The following EPC1 variants were observed in gnomAD, a reference collection of about 807,000 sequenced individuals.
EPC1 encodes the protein enhancer of polycomb homolog 1.
A neutral mutation model predicts 98.4 loss-of-function variants in EPC1; 12 were observed. The observed-to-expected ratio is 0.12, with a 90% CI of 0.08 to 0.20. EPC1 has a LOEUF of 0.20. EPC1 is among the 10% of genes least tolerant of loss of function. The pLI is 1.00. For synonymous variants in EPC1, 357 were observed against 363.9 expected (o/e 0.98, Z 0.21); for missense variants, 729 against 990.5 (o/e 0.74, Z 3.54).
chr10:32,268,727 ACT>A lies in EPC1; in HGVS notation c.*334_*335del. 1 of 185,964 alleles carries A rather than the reference ACT, an allele frequency of 5.4e-6. No homozygotes were observed. Among genetic ancestry groups the A allele is most frequent in the East Asian group, 1.6e-4 (1 of 6,350 alleles). The allele number at this position is 185,964 out of a possible 1,614,324, so 11.5% of individuals were successfully genotyped here. On this transcript the variant is annotated 3_prime_UTR_variant, in exon 14 of 14. Transcript: ENST00000319778. ...ATCTCTATACAATCTCACATCTCAC[ACT>A]CTTTGTTGCAATTGATTTCCCTCCC...
chr10:32,345,387 A>G, intron 1 of EPC1: 7 of 985,440 alleles, frequency 7.1e-6, no homozygotes, highest in Non-Finnish European at 8.4e-6. Flanking sequence ...GAGTTTAAAC[A>G]GTTTTATTTC....
In EPC1 at chr10:32,344,898, T is replaced by C. The variant is rs993687630; in HGVS notation, c.153+1865A>G. ...CAGCTCTGACTTCAGGTTGTAACTC[T>C]TGGGACTGTCCAAAGTATTCACAGA... is the stretch of plus-strand genomic sequence containing the variant. On this transcript the variant is annotated intron_variant, in intron 1 of 13. Transcript: ENST00000319778. 3.9e-5 allele frequency among the ~76,000 whole-genome samples: 6 copies of C among 152,208 alleles called. No individual in the cohort carries two copies. The South Asian group carries it at 6.2e-4, about 16-fold the overall frequency.
At chr10:32,276,328 T>C (rs1392509498) in intron 10 of EPC1, among the ~76,000 whole-genome samples, 4 of 152,104 alleles carry the variant, frequency 2.6e-5, no homozygotes, top group African/African-American at 9.7e-5. Context: ...CTGACCAACA[T>C]GGTGAAACCC....
chr10:32,330,906 A>G (rs1330087820), intron 1 of EPC1, among the ~76,000 whole-genome samples: 2 of 152,196 alleles, frequency 1.3e-5, no homozygotes, highest in Non-Finnish European at 2.9e-5. Context: ...TTGCTCCATC[A>G]CTACAAAAGT....
At chr10:32,289,707 T>C (rs2132719060) in intron 6 of EPC1, among the ~76,000 whole-genome samples, 1 of 151,794 alleles carries the variant, frequency 6.6e-6, no homozygotes, top group Admixed American at 6.6e-5. Context: ...CACTGCAAGC[T>C]CTGCCTCCCA....
At chr10:32,304,326 T>A (rs1835748315) in intron 2 of EPC1, among the ~76,000 whole-genome samples, 1 of 152,200 alleles carries the variant, frequency 6.6e-6, no homozygotes, top group Non-Finnish European at 1.5e-5. Context: ...CATGCATTTA[T>A]AAGATAATAT....
intron 10 of EPC1, chr10:32,283,322 TTC>T (rs1342804292): frequency 4.6e-5 from 5 of 108,962 alleles, no homozygotes; most frequent in South Asian, 4.4e-4. Flanking sequence ...CTTTATGAAT[TTC>T]TTTTTTTTTT....
chr10:32,281,565 G>C (rs1836411866), intron 10 of EPC1: 1 of 152,212 alleles, frequency 6.6e-6, no homozygotes, highest in Non-Finnish European at 1.5e-5. Context: ...CACGCCGTAA[G>C]AGGACCAACA....
chr10:32,285,499 G>T (rs559710651), intron 9 of EPC1: 1 of 157,624 alleles, frequency 6.3e-6, no homozygotes, highest in Admixed American at 6.3e-5. Flanking sequence ...GATTGAGAGA[G>T]ATGGAGTTTT....
intron 1 of EPC1, among the ~76,000 whole-genome samples, chr10:32,307,147 A>G (rs1279477949): frequency 6.6e-6 from 1 of 152,180 alleles, no homozygotes; most frequent in Non-Finnish European, 1.5e-5. Context: ...ATTCCTTACA[A>G]TAGCTGCATT....
chr10:32,329,986 G>C (rs938193741), intron 1 of EPC1, among the ~76,000 whole-genome samples: 5 of 152,186 alleles, frequency 3.3e-5, no homozygotes, highest in African/African-American at 1.2e-4. Flanking sequence ...CAGTGCATGA[G>C]AATAAATGAG....
chr10:32,298,753 A>T (rs2132770380), intron 2 of EPC1, among the ~76,000 whole-genome samples: 1 of 152,338 alleles, frequency 6.6e-6, no homozygotes, highest in South Asian at 2.1e-4. Flanking sequence ...CTCAGATATA[A>T]GATCTTTCGT....
At chr10:32,346,639 G>C (rs542001971) in intron 1 of EPC1, 124 bp downstream of exon 1, 2 of 998,450 alleles carry the variant, frequency 2.0e-6, no homozygotes, top group African/African-American at 1.6e-5. Flanking sequence ...CCCGGCCGGC[G>C]ACTGAGAGTC....
At chr10:32,360,001 A>G (rs1839393402) in intron 1 of EPC1, among the ~76,000 whole-genome samples, 1 of 151,080 alleles carries the variant, frequency 6.6e-6, no homozygotes, top group Admixed American at 6.6e-5. Context: ...TATCATTCGT[A>G]TGTTTGTATC....
chr10:32,341,331 C>CTG (rs150858943), intron 1 of EPC1, among the ~76,000 whole-genome samples: 1,731 of 151,174 alleles, frequency 0.011, 36 homozygotes, highest in African/African-American at 0.039. Flanking sequence ...GTGTGTGTGT[C>CTG]TGTGTGTGTG....
Position 32,368,534 on chromosome 10 carries a change from G to GT in EPC1, c.3+9956dup, listed in dbSNP as rs570616342. On this transcript the variant is annotated intron_variant, in intron 1 of 13. Transcript: ENST00000375110. ...CTTTTCCTTTATGGCTCAGGGAAGT[G>GT]TTTTTTTTGTTTGTTTTGTTTTGGT... Among the ~76,000 whole-genome samples the GT allele has an allele frequency of 3.4e-3, 510 of 151,976 alleles. 3 individuals are homozygous for GT. The highest frequency in any genetic ancestry group is 9.7e-3 in the African/African-American group (401 of 41,444).
In EPC1 at chr10:32,322,182, C is replaced by T. The variant is rs189812668; in HGVS notation, c.154-16251G>A. ...AATCACGCATTAGCCTTACATGTAT[C>T]GCAGTTCGCAGTAAAAAGTCTGTTT... is the stretch of plus-strand genomic sequence containing the variant. On this transcript the variant is annotated intron_variant, in intron 1 of 13. Transcript: ENST00000319778. Among the ~76,000 whole-genome samples, 208 of 151,200 alleles carry T rather than the reference C, an allele frequency of 1.4e-3. 4 individuals are homozygous for T. The South Asian group carries it at 0.023, about 17-fold the overall frequency.
chr10:32,360,808 T>C (rs1471719603), intron 1 of EPC1, among the ~76,000 whole-genome samples: 1 of 151,636 alleles, frequency 6.6e-6, no homozygotes, highest in Non-Finnish European at 1.5e-5. Flanking sequence ...GCAGGAGAAT[T>C]GCTTGAACCC....
chr10:32,355,141 T>C (rs1344221721), intron 1 of EPC1, among the ~76,000 whole-genome samples: 2 of 152,176 alleles, frequency 1.3e-5, no homozygotes, highest in African/African-American at 2.4e-5. Context: ...TAGTCCCTGG[T>C]GCCAAAAAGA....
Sources: allele counts gnomAD v4.1 joint callset (sites outside exome capture counted in the v4.1 genomes callset), GRCh38; gene constraint gnomAD v4.1.1; transcripts MANE v1.5; gene names NCBI Gene and HGNC (gene_info 2026-07-23, HGNC 2026-07-21).